Variants in ADCY5 observed in about 807,000 individuals in gnomAD.
ADCY5 encodes adenylate cyclase type 5.
In ADCY5, 30 loss-of-function variants were observed where a neutral mutation model predicts 119.7. The observed-to-expected ratio is 0.25, with a 90% confidence interval of 0.19 to 0.34. ADCY5 has a LOEUF of 0.34. ADCY5 is among the 10% of genes least tolerant of loss of function. The pLI is 1.00. For missense variants in ADCY5, 1,324 were observed against 1,775.2 expected (o/e 0.75, Z 4.57); for synonymous variants, 753 against 762.2 (o/e 0.99, Z 0.20).
intron 18 of ADCY5, 79 bp downstream of exon 18, chr3:123,291,034 G>C: frequency 6.7e-7 from 1 of 1,502,994 alleles, no homozygotes; most frequent in Non-Finnish European, 8.9e-7. Context: ...GGGGCGCCAG[G>C]TCTCTTCACA....
intron 1 of ADCY5, among the ~76,000 whole-genome samples, chr3:123,443,201 A>G (rs1008225371): frequency 6.6e-6 from 1 of 152,118 alleles, no homozygotes; most frequent in African/African-American, 2.4e-5. Context: ...GCAGGTAGGT[A>G]GCAGGAAAGG....
rs1206782437 is a variant in ADCY5, at chr3:123,345,755, CAG to C, written c.1406+2025_1406+2026del. Among the ~76,000 whole-genome samples, 477 of 56,302 alleles carry C rather than the reference CAG, an allele frequency of 8.5e-3. 3 individuals carry two copies. Among genetic ancestry groups the C allele is most frequent in the African/African-American group, 0.021 (428 of 20,756 alleles). 36.9% of individuals were successfully genotyped at this position (56,302 alleles called of 152,430 possible). A position where few individuals can be genotyped will look rare whatever the true frequency, so the allele number is the denominator to read the frequency against. On this transcript the variant is annotated intron_variant, in intron 3 of 20. Coordinates refer to ENST00000462833, the MANE Select transcript of ADCY5 (RefSeq NM_183357.3). ...ACAGAGAGACAGACAGACAGACAGA[CAG>C]ACAGACAGACAGACACACACACACA...
At chr3:123,350,723 T>A (rs1318487915) in intron 2 of ADCY5, among the ~76,000 whole-genome samples, 1 of 152,232 alleles carries the variant, frequency 6.6e-6, no homozygotes, top group Non-Finnish European at 1.5e-5. Context: ...GCTCCGAATA[T>A]GGAATGGCAA....
At chr3:123,390,050 CG>C (rs1944358813) in intron 1 of ADCY5, among the ~76,000 whole-genome samples, 1 of 152,128 alleles carries the variant, frequency 6.6e-6, no homozygotes, top group African/African-American at 2.4e-5. Flanking sequence ...CAGGTGTTCC[CG>C]GTGATGGGGG....
chr3:123,326,911 C>T (rs532137922), intron 7 of ADCY5, among the ~76,000 whole-genome samples: 72 of 152,334 alleles, frequency 4.7e-4, no homozygotes, highest in African/African-American at 1.6e-3. Context: ...TTTTGTCTTT[C>T]GTTTCACTTC....
intron 1 of ADCY5, among the ~76,000 whole-genome samples, chr3:123,358,155 C>CGTGTGTGTGTGTGTGTGTGTGTGTGT (rs6148049): frequency 2.1e-5 from 3 of 140,860 alleles, no homozygotes; most frequent in African/African-American, 5.7e-5. Flanking sequence ...ACATGGAACA[C>CGTGTGTGTGTGTGTGTGTGTGTGTGT]GTGTGTGTGT....
intron 14 of ADCY5, among the ~76,000 whole-genome samples, chr3:123,301,858 G>C (rs1041372718): frequency 1.3e-5 from 2 of 152,176 alleles, no homozygotes; most frequent in African/African-American, 2.4e-5. Context: ...AGGCTAGGAA[G>C]GGGAGGCTGG....
intron 13 of ADCY5, among the ~76,000 whole-genome samples, chr3:123,303,735 G>A (rs1016319118): frequency 2.0e-5 from 3 of 152,156 alleles, no homozygotes; most frequent in Admixed American, 2.0e-4. Context: ...TGAGGCAGGA[G>A]GACCTCTTGA....
chr3:123,448,653 T>C lies in ADCY5; in HGVS notation c.-108A>G. 9.3e-7 allele frequency: 1 copy of C among 1,079,352 alleles called. No homozygotes were observed. The highest frequency in any genetic ancestry group is 3.2e-5 in the East Asian group (1 of 30,834). The allele number at this position is 1,079,352 out of a possible 1,614,324, so 66.9% of individuals were successfully genotyped here. On this transcript the variant is annotated 5_prime_UTR_variant, in exon 1 of 21. Transcript: ENST00000462833. ...AGGGGGACCAGGCTAGGGTCACACG[T>C]CGGGGGCGGCCCGGGGCCCTGCGCT... is the stretch of plus-strand genomic sequence containing the variant.
At chr3:123,438,062 T>G (rs1945652828) in intron 1 of ADCY5, among the ~76,000 whole-genome samples, 1 of 152,046 alleles carries the variant, frequency 6.6e-6, no homozygotes, top group African/African-American at 2.4e-5. Context: ...AATGCCCCCA[T>G]CTAGATGCCT....
intron 3 of ADCY5, among the ~76,000 whole-genome samples, chr3:123,345,769 G>GACACACACACAGACACACACACACACAC (rs1942515962): frequency 8.8e-6 from 1 of 113,762 alleles, no homozygotes; most frequent in Non-Finnish European, 1.7e-5. Context: ...CAGACAGACA[G>GACACACACACAGACACACACACACACAC]ACACACACAC....
At chr3:123,289,033 C>T (rs2108177329) in intron 19 of ADCY5, among the ~76,000 whole-genome samples, 1 of 152,246 alleles carries the variant, frequency 6.6e-6, no homozygotes, top group East Asian at 1.9e-4. Context: ...CCCCACTGAC[C>T]CATTTCATAA....
chr3:123,366,631 C>T (rs1373896727), intron 1 of ADCY5, among the ~76,000 whole-genome samples: 1 of 152,128 alleles, frequency 6.6e-6, no homozygotes, highest in Non-Finnish European at 1.5e-5. Flanking sequence ...TTACACACCA[C>T]GAAACTTGGG....
intron 15 of ADCY5, among the ~76,000 whole-genome samples, 166 bp downstream of exon 15, chr3:123,299,954 G>C (rs931990425): frequency 1.2e-4 from 18 of 152,230 alleles, no homozygotes; most frequent in African/African-American, 4.1e-4. Context: ...CTGGGAATGG[G>C]AAGGAAGGAA....
At chr3:123,378,760 G>A (rs910104769) in intron 1 of ADCY5, among the ~76,000 whole-genome samples, 2 of 152,208 alleles carry the variant, frequency 1.3e-5, no homozygotes, top group African/African-American at 4.8e-5. Context: ...TGCAGGTCCT[G>A]TCCCCAGCTC....
intron 1 of ADCY5, chr3:123,416,241 G>C: frequency 6.5e-7 from 1 of 1,536,140 alleles, no homozygotes; most frequent in Non-Finnish European, 8.7e-7. Context: ...CACCTCTGCT[G>C]CAACAGCCCT....
At chr3:123,412,465 G>A (rs570371950) in intron 1 of ADCY5, among the ~76,000 whole-genome samples, 1 of 152,342 alleles carries the variant, frequency 6.6e-6, no homozygotes, top group African/African-American at 2.4e-5. Flanking sequence ...TCCCAAAGGG[G>A]CCAGGGCTGC....
At chr3:123,320,704 C>A (rs1212343944) in intron 9 of ADCY5, 45 bp downstream of exon 9, 8 of 1,608,588 alleles carry the variant, frequency 5.0e-6, no homozygotes, top group African/African-American at 1.3e-5. Context: ...TGGGAGATAT[C>A]CCCCAGACCC....
rs189495784 is a variant in ADCY5, at chr3:123,447,343, C to G, written c.1134+69G>C. 3.5e-6 allele frequency: 5 copies of G among 1,415,654 alleles called. No homozygotes were observed. The African/African-American group carries it at 7.2e-5, about 20-fold the overall frequency. The allele number at this position is 1,415,654 out of a possible 1,614,324, so 87.7% of individuals were successfully genotyped here. A position where few individuals can be genotyped will look rare whatever the true frequency, so the allele number is the denominator to read the frequency against. On this transcript the variant is annotated intron_variant, in intron 1 of 20. Transcript: ENST00000462833. The stretch of plus-strand genomic sequence containing the variant: ...ATTCGAAAGGGTGAGGGTGGGATCC[C>G]TTTCTTTGGAGTCCAGCTGAGGCCT...
Sources: gnomAD v4.1 joint callset for allele counts (sites outside exome capture counted in the v4.1 genomes callset) on GRCh38, gnomAD v4.1.1 for gene constraint, MANE v1.5 for transcripts, NCBI Gene and HGNC (gene_info 2026-07-23, HGNC 2026-07-21) for gene names.